The following KLHL14 variants were observed in gnomAD, a reference collection of about 807,000 sequenced individuals.
KLHL14 encodes kelch like family member 14.
KLHL14 carries 22 observed loss-of-function variants against 64.3 expected under a neutral mutation model. That is an observed-to-expected ratio of 0.34 (90% confidence interval 0.24 to 0.49). The LOEUF is 0.49. KLHL14 is among the 20% of genes least tolerant of loss of function. The probability of loss-of-function intolerance (pLI) is 0.99; values close to 1 mark genes in which losing one functional copy is unlikely to be tolerated. For missense variants in KLHL14, 661 were observed against 789.0 expected, an observed-to-expected ratio of 0.84 and a Z score of 1.94; for synonymous variants, 322 against 333.4, an observed-to-expected ratio of 0.97 and a Z score of 0.37.
chr18:32,747,359 T>C (rs2050228909), intron 2 of KLHL14, among the ~76,000 whole-genome samples: 1 of 152,232 alleles, frequency 6.6e-6, no homozygotes, highest in South Asian at 2.1e-4. Flanking sequence ...AAAACAATTA[T>C]ACAACTCATC....
At chr18:32,719,482 T>A (rs540297352) in intron 3 of KLHL14, among the ~76,000 whole-genome samples, 7 of 152,362 alleles carry the variant, frequency 4.6e-5, no homozygotes, top group African/African-American at 1.7e-4. Flanking sequence ...GACCTCACTA[T>A]ATAACATTTT....
intron 3 of KLHL14, among the ~76,000 whole-genome samples, chr18:32,708,244 C>A (rs1223377086): frequency 6.6e-6 from 1 of 152,188 alleles, no homozygotes; most frequent in Non-Finnish European, 1.5e-5. Flanking sequence ...GCGTATCTTT[C>A]CTGAGAATCC....
rs149919212 is a variant in KLHL14 at position 32,769,872 on chromosome 18, C to G, written c.720G>C (p.Gln240His). The stretch of plus-strand genomic sequence containing the variant: ...CGTGCTCCAGCCACAGCACGGACAT[C>G]TGGAAGAGCGCCAGCTCCGACTCCA... ...PPVESELALFQMSVLWLEHDR... is the reference protein window; with the variant it reads ...PPVESELALFHMSVLWLEHDR... Residue 240 changes from glutamine (Q) to histidine (H), a missense_variant, in exon 2 of 9, where the codon CAG (glutamine) becomes CAC (histidine). Transcript: ENST00000359358. The G allele has an allele frequency of 2.0e-5, 33 of 1,613,912 alleles. No individual in the cohort carries two copies. The African/African-American group carries it at 4.4e-4, about 22-fold the overall frequency.
intron 3 of KLHL14, among the ~76,000 whole-genome samples, chr18:32,724,631 G>A (rs1202228975): frequency 6.6e-6 from 1 of 152,064 alleles, no homozygotes; most frequent in Non-Finnish European, 1.5e-5. Context: ...GTATTTAATG[G>A]GATAATTTAT....
At chr18:32,742,615 A>C (rs1340039011) in intron 2 of KLHL14, among the ~76,000 whole-genome samples, 6 of 152,136 alleles carry the variant, frequency 3.9e-5, no homozygotes, top group Admixed American at 3.9e-4. Context: ...AATTTAGCTT[A>C]GACTTCTGCC....
chr18:32,722,820 T>G (rs530448434), intron 3 of KLHL14, among the ~76,000 whole-genome samples: 1 of 152,266 alleles, frequency 6.6e-6, no homozygotes, highest in South Asian at 2.1e-4. Context: ...CCAGGCGTGA[T>G]GGCACATACC....
At position 32,732,830 on chromosome 18, in the gene KLHL14, A is replaced by C. The variant is rs554763425; in HGVS notation, c.1069+9098T>G. 2.0e-5 allele frequency among the ~76,000 whole-genome samples: 3 copies of C among 152,354 alleles called. No individual in the cohort carries two copies. In the East Asian group the frequency reaches 5.8e-4, roughly 29 times the overall value. On this transcript the variant is annotated intron_variant, in intron 3 of 8. Coordinates refer to ENST00000359358, the MANE Select transcript of KLHL14 (RefSeq NM_020805.3). ...CAGTGGCTGATAAGGAAACTGAGAT[A>C]GAAGAGTAGAAAGACAGAAATGGAT... is the stretch of plus-strand genomic sequence containing the variant.
At chr18:32,749,480 T>C (rs1364624181) in intron 2 of KLHL14, among the ~76,000 whole-genome samples, 1 of 152,134 alleles carries the variant, frequency 6.6e-6, no homozygotes, top group Admixed American at 6.6e-5. Flanking sequence ...GTCATTTAGG[T>C]GTAATAGCAA....
At chr18:32,699,335 C>A (rs1278685997) in intron 3 of KLHL14, among the ~76,000 whole-genome samples, 4 of 152,070 alleles carry the variant, frequency 2.6e-5, no homozygotes, top group Admixed American at 2.0e-4. Context: ...ACAACACTTG[C>A]GTTCTTGCTG....
At position 32,687,165 on chromosome 18, in the gene KLHL14, T is replaced by C; in HGVS notation, c.1228A>G (p.Met410Val). Residue 410 changes from methionine (M) to valine (V), a missense_variant, in exon 5 of 9, where the codon ATG becomes GTG. Met to Val is a conservative substitution (Grantham distance 21). Transcript: ENST00000359358. Reference protein sequence around the residue: ...RFNSWIQLPPMQERRASFYAC... With the variant: ...RFNSWIQLPPVQERRASFYAC... ...GAAATAAACACTTACCTTTCCTGCA[T>C]GGGTGGAAGTTGAATCCAGCTATTA... 1 of 1,613,360 alleles carries C rather than the reference T, an allele frequency of 6.2e-7. No homozygotes were observed. Among genetic ancestry groups the C allele is most frequent in the Non-Finnish European group, 8.5e-7 (1 of 1,179,340 alleles).
chr18:32,682,631 A>G (rs547659534), intron 5 of KLHL14, among the ~76,000 whole-genome samples: 2 of 152,314 alleles, frequency 1.3e-5, no homozygotes, highest in East Asian at 1.9e-4. Flanking sequence ...TATAAAATAA[A>G]ATTTCAAAGC....
At chr18:32,743,148 A>G (rs1215143706) in intron 2 of KLHL14, 2 of 152,254 alleles carry the variant, frequency 1.3e-5, no homozygotes, top group East Asian at 1.9e-4. Context: ...TGAACTTTTC[A>G]TGTACCTGAA....
chr18:32,681,774 T>G (rs2049840142), intron 5 of KLHL14, among the ~76,000 whole-genome samples: 1 of 152,222 alleles, frequency 6.6e-6, no homozygotes, highest in African/African-American at 2.4e-5. Context: ...AGTAAATGTA[T>G]GTTGCTTGGA....
At position 32,677,332 on chromosome 18, in the gene KLHL14, T is replaced by C; in HGVS notation, c.1589-2A>G. The C allele has an allele frequency of 6.2e-7, 1 of 1,609,964 alleles. No homozygotes were observed. The highest frequency in any genetic ancestry group is 1.1e-5 in the South Asian group (1 of 90,552). On this transcript the variant is annotated splice_acceptor_variant, in intron 7 of 8. Coordinates refer to ENST00000359358, the MANE Select transcript of KLHL14 (RefSeq NM_020805.3). LOFTEE classifies it high-confidence loss of function. ...GCATTACATCAAGGTGGGAGAAACC[T>C]AAGTGACAGAACAAAGTGGAACAAC... is the stretch of plus-strand genomic sequence containing the variant.
intron 2 of KLHL14, among the ~76,000 whole-genome samples, chr18:32,748,051 G>A (rs917567526): frequency 6.6e-6 from 1 of 152,154 alleles, no homozygotes; most frequent in Non-Finnish European, 1.5e-5. Context: ...GTTCATTGCG[G>A]TACTTAATTC....
chr18:32,727,992 C>T lies in KLHL14; in HGVS notation c.1069+13936G>A, dbSNP rs1455576459. Among the ~76,000 whole-genome samples, 15 of 151,406 alleles carry T rather than the reference C, an allele frequency of 9.9e-5. No individual in the cohort carries two copies. In the East Asian group the frequency reaches 1.4e-3, roughly 14 times the overall value. ...GAAAGCAGCGGTAGAAGCTGCAACT[C>T]CCCTGGAAGTGATCGCCTCATTCTG... On this transcript the variant is annotated intron_variant, in intron 3 of 8. Coordinates refer to ENST00000359358, the MANE Select transcript of KLHL14 (RefSeq NM_020805.3).
intron 2 of KLHL14, among the ~76,000 whole-genome samples, chr18:32,760,877 T>C (rs541318662): frequency 5.3e-5 from 8 of 152,344 alleles, no homozygotes; most frequent in African/African-American, 1.9e-4. Flanking sequence ...AATTCTAATG[T>C]TCCCACTTCC....
At chr18:32,712,885 C>A (rs892782010) in intron 3 of KLHL14, among the ~76,000 whole-genome samples, 7 of 152,124 alleles carry the variant, frequency 4.6e-5, no homozygotes, top group Admixed American at 4.6e-4. Flanking sequence ...GTAGATCACG[C>A]CTTCAAATGT....
chr18:32,706,650 G>C (rs1284536058), intron 3 of KLHL14, among the ~76,000 whole-genome samples: 1 of 152,120 alleles, frequency 6.6e-6, no homozygotes, highest in Admixed American at 6.5e-5. Flanking sequence ...GGTTTGAACT[G>C]GTTGTCTGTG....
Sources: allele counts gnomAD v4.1 joint callset (sites outside exome capture counted in the v4.1 genomes callset), GRCh38; gene constraint gnomAD v4.1.1; transcripts MANE v1.5; gene names NCBI Gene and HGNC (gene_info 2026-07-23, HGNC 2026-07-21).